The following FGF2 variants were observed in gnomAD, a reference collection of about 807,000 sequenced individuals.
FGF2 encodes fibroblast growth factor 2.
In FGF2, 13 loss-of-function variants were observed where a neutral mutation model predicts 15.9. The ratio of observed to expected loss-of-function variants is 0.82; its 90% CI spans 0.53 to 1.30. The LOEUF is 1.30. FGF2 is among the 50% of genes most tolerant of loss of function. The pLI, the probability that FGF2 is intolerant of heterozygous loss-of-function variation, is 0.00. For missense variants in FGF2, 163 were observed against 196.9 expected (o/e 0.83, Z 1.03); for synonymous variants, 90 against 78.4 (o/e 1.15, Z -0.78).
At chr4:122,889,364 C>T (rs766213036) in intron 2 of FGF2, among the ~76,000 whole-genome samples, 6 of 151,968 alleles carry the variant, frequency 3.9e-5, no homozygotes, top group Admixed American at 6.6e-5. Flanking sequence ...CCTTTTTATC[C>T]GAAGTTTGAA....
At chr4:122,852,286 C>T (rs1318254878) in intron 1 of FGF2, among the ~76,000 whole-genome samples, 2 of 152,162 alleles carry the variant, frequency 1.3e-5, no homozygotes, top group Admixed American at 1.3e-4. Flanking sequence ...ATGTCCAATA[C>T]CTTAGCAGGG....
intron 1 of FGF2, among the ~76,000 whole-genome samples, chr4:122,843,384 T>C (rs1269622411): frequency 6.6e-6 from 1 of 152,234 alleles, no homozygotes; most frequent in East Asian, 1.9e-4. Flanking sequence ...TGGATTATGA[T>C]GGGCCTTGCA....
chr4:122,880,494 C>T (rs576447208), intron 2 of FGF2, among the ~76,000 whole-genome samples: 1 of 152,202 alleles, frequency 6.6e-6, no homozygotes, highest in South Asian at 2.1e-4. Flanking sequence ...GTGATCTTCC[C>T]CCCTTGGCCT....
At chr4:122,833,971 A>AG (rs1228397541) in intron 1 of FGF2, among the ~76,000 whole-genome samples, 1 of 152,230 alleles carries the variant, frequency 6.6e-6, no homozygotes, top group Non-Finnish European at 1.5e-5. Flanking sequence ...AAAGTATTTA[A>AG]GATTTTTATC....
At chr4:122,866,849 G>T (rs1464428008) in intron 1 of FGF2, among the ~76,000 whole-genome samples, 3 of 152,168 alleles carry the variant, frequency 2.0e-5, no homozygotes, top group Non-Finnish European at 4.4e-5. Flanking sequence ...CCCCCCAAAA[G>T]AAAACATGTC....
In FGF2 at chr4:122,827,411, C is replaced by G; in HGVS notation, c.178+59C>G. The G allele has an allele frequency of 1.9e-6, 3 of 1,580,602 alleles. No individual in the cohort carries two copies. The highest frequency in any genetic ancestry group is 2.6e-6 in the Non-Finnish European group (3 of 1,153,064). On this transcript the variant is annotated intron_variant, in intron 1 of 2. Transcript: ENST00000644866. This position sits in a 1 kb window ranked among gnomAD's most constrained non-coding sequence, Gnocchi z 4.2. Reference sequence around the variant, plus strand: ...CATTTCGTGGGTTCTCGCCCGCTCTCTCCCCTCCAGCCTGCACCCTCCTCC... The same window carrying G: ...CATTTCGTGGGTTCTCGCCCGCTCTGTCCCCTCCAGCCTGCACCCTCCTCC...
Position 122,892,224 on chromosome 4 carries a change from ATGAG to A in FGF2, c.299_302del (p.Glu100ValfsTer27). The A allele has an allele frequency of 6.2e-7, 1 of 1,612,000 alleles. No individual in the cohort carries two copies. Among genetic ancestry groups the A allele is most frequent in the Non-Finnish European group, 8.5e-7 (1 of 1,178,050 alleles). On this transcript the variant is annotated frameshift_variant, in exon 3 of 3. Coordinates refer to ENST00000644866, the MANE Select transcript of FGF2 (RefSeq NM_001361665.2). LOFTEE classifies it high-confidence loss of function. ...TTTATTTTTCAGAAATGTGTTACGG[ATGAG>A]TGTTTCTTTTTTGAACGATTGGAAT...
intron 1 of FGF2, among the ~76,000 whole-genome samples, chr4:122,834,064 G>T (rs1353374389): frequency 6.6e-6 from 1 of 152,156 alleles, no homozygotes; most frequent in East Asian, 1.9e-4. Context: ...GAGGGTGAGG[G>T]GTTATGGAAT....
intron 1 of FGF2, among the ~76,000 whole-genome samples, chr4:122,859,175 C>T (rs1432814175): frequency 1.3e-5 from 2 of 152,104 alleles, no homozygotes; most frequent in Non-Finnish European, 2.9e-5. Context: ...TTAACACTGG[C>T]CCAACTAATG....
intron 1 of FGF2, among the ~76,000 whole-genome samples, chr4:122,871,707 G>T (rs1164582586): frequency 1.4e-5 from 2 of 146,046 alleles, no homozygotes; most frequent in African/African-American, 5.1e-5. Flanking sequence ...GAGCAAATCA[G>T]ATAGAATAGG....
intron 2 of FGF2, among the ~76,000 whole-genome samples, chr4:122,880,755 G>A (rs1259272790): frequency 6.6e-6 from 1 of 152,158 alleles, no homozygotes; most frequent in Non-Finnish European, 1.5e-5. Context: ...GCTCTCAGTA[G>A]ATCTACCATT....
At chr4:122,888,106 T>C (rs1055600215) in intron 2 of FGF2, among the ~76,000 whole-genome samples, 2 of 152,218 alleles carry the variant, frequency 1.3e-5, no homozygotes, top group African/African-American at 4.8e-5. Flanking sequence ...CTATAAAATC[T>C]GTTCCTACTC....
chr4:122,885,914 T>C (rs78579979), intron 2 of FGF2, among the ~76,000 whole-genome samples: 1,526 of 41,316 alleles, frequency 0.037, 17 homozygotes, highest in African/African-American at 0.25. Context: ...TTTTTTTTCC[T>C]TTTTTTTTTT....
chr4:122,836,722 A>G (rs1306159724), intron 1 of FGF2, among the ~76,000 whole-genome samples: 3 of 152,234 alleles, frequency 2.0e-5, no homozygotes, highest in South Asian at 2.1e-4. Context: ...ACAACTTCAA[A>G]TAAGTATAAA....
chr4:122,830,148 G>A (rs1169088877), intron 1 of FGF2, among the ~76,000 whole-genome samples: 3 of 152,148 alleles, frequency 2.0e-5, no homozygotes, highest in Admixed American at 6.5e-5. Flanking sequence ...CTTTTGAAAG[G>A]CCAAGTTCAA....
At chr4:122,864,389 G>A (rs1415357952) in intron 1 of FGF2, among the ~76,000 whole-genome samples, 1 of 152,198 alleles carries the variant, frequency 6.6e-6, no homozygotes, top group East Asian at 1.9e-4. Context: ...AATGGATAAG[G>A]TATAGTTCCC....
At chr4:122,833,867 G>A (rs1233004089) in intron 1 of FGF2, among the ~76,000 whole-genome samples, 1 of 152,090 alleles carries the variant, frequency 6.6e-6, no homozygotes, top group African/African-American at 2.4e-5. Flanking sequence ...TTTGGAGACT[G>A]GCTATTAGTT....
chr4:122,854,777 T>A (rs1726303914), intron 1 of FGF2, among the ~76,000 whole-genome samples: 1 of 152,176 alleles, frequency 6.6e-6, no homozygotes, highest in Non-Finnish European at 1.5e-5. Context: ...TGCTCGTCAT[T>A]GATTGAGAGA....
chr4:122,829,475 T>G (rs1725715299), intron 1 of FGF2, among the ~76,000 whole-genome samples: 1 of 152,180 alleles, frequency 6.6e-6, no homozygotes, highest in African/African-American at 2.4e-5. Flanking sequence ...TCTGCTAACT[T>G]TATAACTAGC....
Sources: gnomAD v4.1 joint callset for allele counts (sites outside exome capture counted in the v4.1 genomes callset) on GRCh38, gnomAD v4.1.1 for gene constraint, Gnocchi (gnomAD v3.1) non-coding constraint, MANE v1.5 for transcripts, NCBI Gene and HGNC (gene_info 2026-07-23, HGNC 2026-07-21) for gene names.